Variants in GFM1 observed in about 807,000 individuals in gnomAD.
GFM1 encodes elongation factor G, mitochondrial.
In GFM1, 62 loss-of-function variants were observed where a neutral mutation model predicts 96.2. The observed-to-expected ratio is 0.64, with a 90% CI of 0.53 to 0.80. GFM1 has a LOEUF of 0.80. GFM1 is among the 30% of genes least tolerant of loss of function. The probability of loss-of-function intolerance (pLI) is 0.00; values close to 1 mark genes in which losing one functional copy is unlikely to be tolerated. For synonymous variants in GFM1, 282 were observed against 312.9 expected, an observed-to-expected ratio of 0.90 and a Z score of 1.04; for missense variants, 852 against 916.6, an observed-to-expected ratio of 0.93 and a Z score of 0.91.
At chr3:158,683,699 C>T (rs746594260) in intron 14 of GFM1, among the ~76,000 whole-genome samples, 16 of 152,082 alleles carry the variant, frequency 1.1e-4, no homozygotes, top group Middle Eastern at 3.2e-3. Context: ...TTTGCCTTTC[C>T]GCTGCTTCCT....
In GFM1 at chr3:158,691,304, C is replaced by CA. The variant is rs145803239; in HGVS notation, c.2125-26dup. On this transcript the variant is annotated intron_variant, in intron 17 of 17. Coordinates refer to ENST00000486715, the MANE Select transcript of GFM1 (RefSeq NM_024996.7). ...ATAGTTTAAAAAACAAACAAACAAA[C>CA]AAAAAACCCTCTCTTTTTTTTAAAT... 0.37 allele frequency: 589,335 copies of CA among 1,610,392 alleles called. 111,631 individuals are homozygous for CA. Among genetic ancestry groups the CA allele is most frequent in the African/African-American group, 0.6 (44,329 of 74,290 alleles).
intron 13 of GFM1, among the ~76,000 whole-genome samples, chr3:158,680,673 G>T (rs1445460483): frequency 6.6e-6 from 1 of 152,158 alleles, no homozygotes; most frequent in South Asian, 2.1e-4. Flanking sequence ...GGTTTCTCAT[G>T]TGTAAAATGG....
At chr3:158,666,994 A>G in intron 13 of GFM1, 1 of 1,589,856 alleles carries the variant, frequency 6.3e-7, no homozygotes, top group Non-Finnish European at 8.5e-7. Context: ...CATCAAATAA[A>G]GGTAAATTAT....
intron 10 of GFM1, 70 bp from the exon 11 acceptor site, chr3:158,662,558 A>T (rs1723275748): frequency 1.8e-5 from 16 of 883,962 alleles, no homozygotes; most frequent in Admixed American, 5.1e-5. Flanking sequence ...GGCACATTAA[A>T]ATTAATCTAT....
chr3:158,652,034 T>A, intron 5 of GFM1, 62 bp from the exon 6 acceptor site: 1 of 1,384,146 alleles, frequency 7.2e-7, no homozygotes, highest in Non-Finnish European at 1.0e-6. Flanking sequence ...CATATATTTT[T>A]CATTAGTCCT....
Position 158,692,766 on chromosome 3 carries a change from A to G in GFM1, c.*1299A>G, listed in dbSNP as rs143187654. 4.0e-5 allele frequency among the ~76,000 whole-genome samples: 6 copies of G among 151,858 alleles called. No homozygotes were observed. Among genetic ancestry groups the G allele is most frequent in the African/African-American group, 1.2e-4 (5 of 41,390 alleles). ...GAATGCAGAGGGACTATCTCTGCTC[A>G]CTACAACCTCTGCTTCCTGGGTTCA... On this transcript the variant is annotated 3_prime_UTR_variant, in exon 18 of 18. Transcript: ENST00000486715.
chr3:158,672,626 TC>T (rs760633686), intron 13 of GFM1: 8 of 917,588 alleles, frequency 8.7e-6, no homozygotes, highest in Non-Finnish European at 1.3e-5. Context: ...CTCAGCTCCT[TC>T]CGACTCCGGA....
In GFM1 at chr3:158,673,364, A is replaced by G. The variant is rs73156476; in HGVS notation, c.1601+6978A>G. On this transcript the variant is annotated intron_variant, in intron 13 of 17. Transcript: ENST00000486715. The stretch of plus-strand genomic sequence containing the variant: ...CTGGTATGTGGTCTACCTCATTGCA[A>G]TGGGCCTATAAACCTGACTTTGTAG... Among the ~76,000 whole-genome samples, 815 of 152,294 alleles carry G rather than the reference A, an allele frequency of 5.4e-3. 3 individuals carry two copies. The highest frequency in any genetic ancestry group is 6.9e-3 in the Non-Finnish European group (472 of 68,016).
chr3:158,665,014 C>G (rs551988554), intron 11 of GFM1, among the ~76,000 whole-genome samples: 1 of 152,182 alleles, frequency 6.6e-6, no homozygotes, highest in African/African-American at 2.4e-5. Flanking sequence ...AACACAGATT[C>G]CAATTTCTGC....
At chr3:158,648,943 C>T (rs1722069690) in intron 4 of GFM1, 98 bp from the exon 5 acceptor site, 1 of 733,740 alleles carries the variant, frequency 1.4e-6, no homozygotes, top group Non-Finnish European at 2.5e-6. Flanking sequence ...TCTCAGTTCT[C>T]CAGTGTCTGC....
chr3:158,670,413 AT>A (rs942235831), intron 13 of GFM1, among the ~76,000 whole-genome samples: 3 of 152,080 alleles, frequency 2.0e-5, no homozygotes, highest in African/African-American at 7.3e-5. Context: ...TACTTCACTC[AT>A]TTATATTAGG....
At chr3:158,658,400 G>A (rs1335655203) in intron 8 of GFM1, among the ~76,000 whole-genome samples, 1 of 152,046 alleles carries the variant, frequency 6.6e-6, no homozygotes, top group East Asian at 1.9e-4. Flanking sequence ...CCTGACCTCA[G>A]GTGATCCGCT....
Position 158,644,552 on chromosome 3 carries a change from T to G in GFM1, c.-83T>G. 8.8e-7 allele frequency: 1 copy of G among 1,133,448 alleles called. No individual in the cohort carries two copies. The highest frequency in any genetic ancestry group is 1.3e-5 in the South Asian group (1 of 74,728). The allele number at this position is 1,133,448 out of a possible 1,614,324, so 70.2% of individuals were successfully genotyped here. Reference sequence around the variant, plus strand: ...GCTCTTACAACATTGGCTGCCGGCGTGACTTTGACCGCTTCCCGGTGCGTT... The same window carrying G: ...GCTCTTACAACATTGGCTGCCGGCGGGACTTTGACCGCTTCCCGGTGCGTT... On this transcript the variant is annotated 5_prime_UTR_variant, in exon 1 of 18. Transcript: ENST00000486715.
chr3:158,669,283 CT>C, intron 13 of GFM1: 2 of 1,200,744 alleles, frequency 1.7e-6, no homozygotes, highest in Non-Finnish European at 2.3e-6. Context: ...TCTGAGGCCT[CT>C]TTTTTGTTGG....
Position 158,669,721 on chromosome 3 carries a change from A to G in GFM1, c.1601+3335A>G. Reference sequence around the variant, plus strand: ...GCTCCTAATGGTGTTGTTTTAGACTAGACTTCAAAGTGCTTGTTTTCAGAG... The same window carrying G: ...GCTCCTAATGGTGTTGTTTTAGACTGGACTTCAAAGTGCTTGTTTTCAGAG... On this transcript the variant is annotated intron_variant, in intron 13 of 17. Transcript: ENST00000486715. 2.9e-6 allele frequency: 3 copies of G among 1,017,114 alleles called. No homozygotes were observed. The East Asian group carries it at 7.8e-5, about 26-fold the overall frequency. 63.0% of individuals were successfully genotyped at this position (1,017,114 alleles called of 1,614,324 possible).
At chr3:158,690,782 C>T (rs1726245737) in intron 16 of GFM1, among the ~76,000 whole-genome samples, 1 of 152,158 alleles carries the variant, frequency 6.6e-6, no homozygotes. Context: ...CTCAGCATAT[C>T]ATTAAGGTGT....
intron 3 of GFM1, 75 bp from the exon 4 acceptor site, chr3:158,646,668 C>G: frequency 1.0e-5 from 13 of 1,248,416 alleles, no homozygotes; most frequent in South Asian, 1.3e-5. Flanking sequence ...AGCAGAGATA[C>G]AAAAACTTCT....
At chr3:158,657,177 A>G (rs1233436499) in intron 8 of GFM1, 1 of 152,194 alleles carries the variant, frequency 6.6e-6, no homozygotes, top group Non-Finnish European at 1.5e-5. Flanking sequence ...AATATTTTAC[A>G]GTATATTTAT....
chr3:158,684,493 C>T, intron 14 of GFM1, 31 bp from the exon 15 acceptor site: 2 of 1,612,978 alleles, frequency 1.2e-6, no homozygotes, highest in Non-Finnish European at 1.7e-6. Context: ...AAAATCCACT[C>T]ACTCCAGAAG....
Sources: allele counts gnomAD v4.1 joint callset (sites outside exome capture counted in the v4.1 genomes callset), GRCh38; gene constraint gnomAD v4.1.1; transcripts MANE v1.5; gene names NCBI Gene and HGNC (gene_info 2026-07-23, HGNC 2026-07-21).